CCSER1: variants seen among roughly 807,000 people sequenced by gnomAD.
CCSER1 encodes the protein serine-rich coiled-coil domain-containing protein 1.
CCSER1 carries 41 observed loss-of-function variants against 82.0 expected under a neutral mutation model. That is an observed-to-expected ratio of 0.50 (90% CI 0.39 to 0.65). CCSER1 has a LOEUF of 0.65. Ranked by LOEUF, CCSER1 falls within the 30% of genes least tolerant of loss-of-function variation. The pLI is 0.00. For synonymous variants in CCSER1, 414 were observed against 383.9 expected, an observed-to-expected ratio of 1.08 and a Z score of -0.92; for missense variants, 1,119 against 1,064.2, an observed-to-expected ratio of 1.05 and a Z score of -0.72.
chr4:90,771,457 A>G (rs1381082242), intron 7 of CCSER1, among the ~76,000 whole-genome samples: 2 of 151,456 alleles, frequency 1.3e-5, no homozygotes, highest in Non-Finnish European at 2.9e-5. Context: ...GTAGATATAA[A>G]TATCTACTAT....
chr4:90,661,533 G>A (rs938793801), intron 6 of CCSER1, among the ~76,000 whole-genome samples: 1 of 152,166 alleles, frequency 6.6e-6, no homozygotes, highest in Non-Finnish European at 1.5e-5. Context: ...CTGAAGAATA[G>A]AAGGCTGAAG....
At position 91,600,035 on chromosome 4, in the gene CCSER1, A is replaced by AAGAAC; in HGVS notation, c.*983_*987dup. On this transcript the variant is annotated 3_prime_UTR_variant, in exon 11 of 11. Transcript: ENST00000509176. ...CCCATATCTATAATTTTATGAACTG[A>AAGAAC]AGAACAGAAAGTCAGTATTTTAGTA... is the stretch of plus-strand genomic sequence containing the variant. The AAGAAC allele has an allele frequency of 6.6e-6, 1 of 152,266 alleles. No individual in the cohort carries two copies. Among genetic ancestry groups the AAGAAC allele is most frequent in the South Asian group, 2.1e-4 (1 of 4,826 alleles). The allele number at this position is 152,266 out of a possible 1,614,324, so 9.4% of individuals were successfully genotyped here.
chr4:90,939,979 A>T (rs1161623917), intron 9 of CCSER1, among the ~76,000 whole-genome samples: 1 of 152,082 alleles, frequency 6.6e-6, no homozygotes, highest in Admixed American at 6.6e-5. Flanking sequence ...AATGTAGATA[A>T]TGCAAAACTC....
At chr4:90,377,302 CTA>C (rs1358952169) in intron 3 of CCSER1, among the ~76,000 whole-genome samples, 1 of 152,128 alleles carries the variant, frequency 6.6e-6, no homozygotes, top group Non-Finnish European at 1.5e-5. Context: ...AGAGGGGATT[CTA>C]TTCCACCAAC....
chr4:91,174,895 C>T (rs1245588204), intron 10 of CCSER1, among the ~76,000 whole-genome samples: 2 of 151,406 alleles, frequency 1.3e-5, no homozygotes, highest in Non-Finnish European at 2.9e-5. Flanking sequence ...CATATGTATA[C>T]ATGTGCCATG....
At chr4:90,525,940 A>G (rs1172316576) in intron 5 of CCSER1, among the ~76,000 whole-genome samples, 4 of 152,144 alleles carry the variant, frequency 2.6e-5, no homozygotes, top group Non-Finnish European at 5.9e-5. Flanking sequence ...CACCTAGCCA[A>G]TATTTAGTTT....
At chr4:90,170,594 A>G (rs575109548) in intron 1 of CCSER1, among the ~76,000 whole-genome samples, 4 of 151,552 alleles carry the variant, frequency 2.6e-5, no homozygotes, top group African/African-American at 9.7e-5. Flanking sequence ...TTTTTTTAGC[A>G]CCCACAAATA....
At position 90,444,424 on chromosome 4, in the gene CCSER1, C is replaced by T. The variant is rs80211340; in HGVS notation, c.1604-23810C>T. Among the ~76,000 whole-genome samples the T allele has an allele frequency of 4.0e-3, 603 of 152,160 alleles. 2 individuals carry two copies. Among genetic ancestry groups the T allele is most frequent in the African/African-American group, 0.013 (560 of 41,560 alleles). ...AATTTTACAAAGTTGTCATTTTTCT[C>T]ATAGCTATTTTTAGTTGGTTTCATA... is the stretch of plus-strand genomic sequence containing the variant. On this transcript the variant is annotated intron_variant, in intron 4 of 10. Coordinates refer to ENST00000509176, the MANE Select transcript of CCSER1 (RefSeq NM_001145065.2).
rs181463343 is a variant in CCSER1, at chr4:91,152,733, G to A, written c.2217+66739G>A. 1.5e-3 allele frequency among the ~76,000 whole-genome samples: 219 copies of A among 148,800 alleles called. 6 individuals are homozygous for A. The highest frequency in any genetic ancestry group is 2.6e-3 in the Non-Finnish European group (167 of 65,364). On this transcript the variant is annotated intron_variant, in intron 10 of 10. Coordinates refer to ENST00000509176, the MANE Select transcript of CCSER1 (RefSeq NM_001145065.2). ...GGCCTTGTAGTGACAAAATCTCTCA[G>A]CATTTGCTTGTCTGTAAAGGATTTT...
intron 6 of CCSER1, among the ~76,000 whole-genome samples, chr4:90,634,450 T>C (rs1005047367): frequency 4.0e-5 from 6 of 151,848 alleles, no homozygotes; most frequent in African/African-American, 1.2e-4. Context: ...TTTTGGTTTT[T>C]TTTCAGCGTA....
At chr4:91,102,085 T>G (rs1184206638) in intron 10 of CCSER1, among the ~76,000 whole-genome samples, 1 of 152,196 alleles carries the variant, frequency 6.6e-6, no homozygotes, top group Non-Finnish European at 1.5e-5. Flanking sequence ...GAGGAGCTCG[T>G]GCAGATCGGT....
chr4:90,910,104 C>CAGAGAG (rs1312015012), intron 8 of CCSER1, among the ~76,000 whole-genome samples: 2 of 151,980 alleles, frequency 1.3e-5, no homozygotes, highest in Non-Finnish European at 2.9e-5. Context: ...GCAGGAAAGA[C>CAGAGAG]AGAGAGAGAG....
intron 6 of CCSER1, among the ~76,000 whole-genome samples, chr4:90,631,918 G>C (rs1724515988): frequency 6.6e-6 from 1 of 152,052 alleles, no homozygotes; most frequent in Non-Finnish European, 1.5e-5. Context: ...TGACTTTCAT[G>C]TTTAGAGTTG....
chr4:91,310,240 C>A (rs1405557677), intron 10 of CCSER1, among the ~76,000 whole-genome samples: 1 of 151,724 alleles, frequency 6.6e-6, no homozygotes, highest in Non-Finnish European at 1.5e-5. Context: ...TGATTGGCTG[C>A]CATTTTATTA....
intron 7 of CCSER1, among the ~76,000 whole-genome samples, chr4:90,794,299 T>C (rs1755666622): frequency 6.6e-6 from 1 of 152,230 alleles, no homozygotes. Context: ...GTTTTGAGTT[T>C]TACATTTAAG....
chr4:90,990,044 A>G (rs1736895919), intron 9 of CCSER1, among the ~76,000 whole-genome samples: 1 of 151,798 alleles, frequency 6.6e-6, no homozygotes, highest in Admixed American at 6.6e-5. Flanking sequence ...ATGTAAATGG[A>G]CTTTAAGAGA....
chr4:91,151,081 T>C (rs1471919557), intron 10 of CCSER1, among the ~76,000 whole-genome samples: 1 of 152,200 alleles, frequency 6.6e-6, no homozygotes. Flanking sequence ...AGAATTTTGC[T>C]GTGAATCTAT....
chr4:90,986,153 G>A (rs935030814), intron 9 of CCSER1, among the ~76,000 whole-genome samples: 1 of 151,616 alleles, frequency 6.6e-6, no homozygotes, highest in Non-Finnish European at 1.5e-5. Context: ...TCTTAATCTG[G>A]TAAATCAAAG....
At chr4:90,404,229 A>G (rs1180695331) in intron 4 of CCSER1, 2 of 152,276 alleles carry the variant, frequency 1.3e-5, no homozygotes, top group African/African-American at 4.8e-5. Context: ...ATGACTCAGC[A>G]GAGGCAGCCA....
Sources: allele counts gnomAD v4.1 joint callset (sites outside exome capture counted in the v4.1 genomes callset), GRCh38; gene constraint gnomAD v4.1.1; transcripts MANE v1.5; gene names NCBI Gene and HGNC (gene_info 2026-07-23, HGNC 2026-07-21).